Variants in SPAG17 observed in about 807,000 individuals in gnomAD.
SPAG17 encodes sperm associated antigen 17.
Under a neutral mutation model 273.6 loss-of-function variants are expected in SPAG17, and 169 were observed. That is an observed-to-expected ratio of 0.62 (90% CI 0.55 to 0.70). SPAG17 has a LOEUF of 0.70. Among genes scored for constraint, SPAG17 ranks in the 30% least tolerant of loss-of-function variants. SPAG17 has a pLI of 0.00. For missense variants in SPAG17, 2,557 were observed against 2,627.8 expected (o/e 0.97, Z 0.59); for synonymous variants, 825 against 873.2 (o/e 0.94, Z 0.97).
intron 28 of SPAG17, among the ~76,000 whole-genome samples, chr1:118,020,751 T>C (rs1248062165): frequency 6.6e-6 from 1 of 152,196 alleles, no homozygotes; most frequent in Non-Finnish European, 1.5e-5. Context: ...TGGCAAATTG[T>C]GGACTATGGA....
chr1:118,017,075 T>G (rs1000304807), intron 28 of SPAG17, among the ~76,000 whole-genome samples: 3 of 152,170 alleles, frequency 2.0e-5, no homozygotes, highest in African/African-American at 4.8e-5. Flanking sequence ...GCCTAACTGA[T>G]AGGGACTCAA....
chr1:118,012,731 C>T (rs561416932), intron 29 of SPAG17, among the ~76,000 whole-genome samples: 21 of 152,304 alleles, frequency 1.4e-4, no homozygotes, highest in African/African-American at 3.1e-4. Context: ...ATGATAAATG[C>T]GGCATATTGT....
chr1:118,112,286 A>T (rs1469485042), intron 4 of SPAG17, among the ~76,000 whole-genome samples: 1 of 152,104 alleles, frequency 6.6e-6, no homozygotes, highest in Non-Finnish European at 1.5e-5. Context: ...TCAGATAATG[A>T]CTAAATTAAA....
intron 38 of SPAG17, among the ~76,000 whole-genome samples, chr1:117,989,971 A>C (rs1232812456): frequency 6.6e-6 from 1 of 152,056 alleles, no homozygotes; most frequent in African/African-American, 2.4e-5. Flanking sequence ...CATTCATCTA[A>C]AATTTAACTA....
rs1253564605 is a variant in SPAG17, at chr1:117,963,711, G to C, written c.*88C>G. On this transcript the variant is annotated intron_variant, in intron 48 of 48. Transcript: ENST00000336338. ...CAGGCCAGGTGGCTTATAGGTTTCT[G>C]ACTATAAGAAGAGGGGAAGAAACCT... 5 of 1,265,166 alleles carry C rather than the reference G, an allele frequency of 4.0e-6. No homozygotes were observed. The African/African-American group carries it at 7.5e-5, about 19-fold the overall frequency. The allele number at this position is 1,265,166 out of a possible 1,614,324, so 78.4% of individuals were successfully genotyped here.
At position 118,062,297 on chromosome 1, in the gene SPAG17, G is replaced by C. The variant is rs1652400536; in HGVS notation, c.2540+4448C>G. ...CAGGAGAATGGCACGAACCCGGGAG[G>C]CGGAGCTTGCAGTGAGCCGAGATCC... On this transcript the variant is annotated intron_variant, in intron 18 of 48. Coordinates refer to ENST00000336338, the MANE Select transcript of SPAG17 (RefSeq NM_206996.4). Among the ~76,000 whole-genome samples the C allele has an allele frequency of 4.2e-5, 6 of 144,008 alleles. No individual in the cohort carries two copies. In the Admixed American group the frequency reaches 4.2e-4, roughly 10 times the overall value. The allele number at this position is 144,008 out of a possible 152,430, so 94.5% of individuals were successfully genotyped here. A position where few individuals can be genotyped will look rare whatever the true frequency, so the allele number is the denominator to read the frequency against.
intron 43 of SPAG17, among the ~76,000 whole-genome samples, chr1:117,974,638 A>G (rs1337429613): frequency 6.6e-6 from 1 of 152,212 alleles, no homozygotes; most frequent in African/African-American, 2.4e-5. Flanking sequence ...TCTTCAGATC[A>G]CTAAATTTGG....
intron 1 of SPAG17, among the ~76,000 whole-genome samples, chr1:118,152,359 A>C (rs1659436332): frequency 6.6e-6 from 1 of 152,216 alleles, no homozygotes; most frequent in African/African-American, 2.4e-5. Flanking sequence ...ACAATGTCTA[A>C]GATTTGAAAA....
In SPAG17 at chr1:118,025,396, C is replaced by A; in HGVS notation, c.3751G>T (p.Glu1251Ter). The A allele has an allele frequency of 1.3e-6, 2 of 1,592,038 alleles. No individual in the cohort carries two copies. The highest frequency in any genetic ancestry group is 2.3e-5 in the South Asian group (2 of 87,730). ...ESTGQYVIDE[E>*]PTWDIMVRQS... ...CGGACCATGATGTCCCAGGTGGGTT[C>A]CTCATCTATAACATATTGACCTAAA... The change falls in exon 27 of 49, where the codon GAA (glutamate) becomes TAA (stop). Residue 1251 changes from glutamate to a stop codon, truncating the protein, a stop_gained. Transcript: ENST00000336338. LOFTEE classifies it high-confidence loss of function.
rs576873075 is a variant in SPAG17 at position 118,140,246 on chromosome 1, G to A, written c.315+10297C>T. On this transcript the variant is annotated intron_variant, in intron 3 of 48. Transcript: ENST00000336338. ...AATAGTCAAAAGGTAGAAAATCTCA[G>A]TTTAAAAGGAAAAATACATTTTTTC... Among the ~76,000 whole-genome samples the A allele has an allele frequency of 2.6e-5, 4 of 152,282 alleles. No individual in the cohort carries two copies. The East Asian group carries it at 7.7e-4, about 29-fold the overall frequency.
At chr1:118,039,019 A>G (rs998295287) in intron 23 of SPAG17, among the ~76,000 whole-genome samples, 1 of 152,168 alleles carries the variant, frequency 6.6e-6, no homozygotes, top group African/African-American at 2.4e-5. Context: ...GTACGGGAAG[A>G]GGGCATTGAG....
chr1:117,992,492 T>A lies in SPAG17; in HGVS notation c.5335A>T (p.Lys1779Ter). Residue 1779 changes from lysine (K) to a stop codon, truncating the protein, a stop_gained, in exon 36 of 49, where the codon AAA becomes TAA. Transcript: ENST00000336338. LOFTEE classifies it high-confidence loss of function. ...TTAAGGGAAACCTGCAGCCTCAGTTTCACCTCATTCTTTATGACCTCATGC... is the reference window on the plus strand; with the variant it reads ...TTAAGGGAAACCTGCAGCCTCAGTTACACCTCATTCTTTATGACCTCATGC... ...IQHEVIKNEV[K>*]LRLQVSLKDY... 1 of 1,611,794 alleles carries A rather than the reference T, an allele frequency of 6.2e-7. No homozygotes were observed. The highest frequency in any genetic ancestry group is 8.5e-7 in the Non-Finnish European group (1 of 1,179,256).
intron 5 of SPAG17, 101 bp from the exon 6 acceptor site, chr1:118,099,901 T>C: frequency 1.0e-6 from 1 of 1,002,136 alleles, no homozygotes; most frequent in South Asian, 1.9e-5. Flanking sequence ...GCATTTATAA[T>C]CCCTCTGGCT....
In SPAG17 at chr1:117,992,449, C is replaced by T. The variant is rs79659402; in HGVS notation, c.5361+17G>A. Reference sequence around the variant, plus strand: ...TGTTTCTGATTCTTTTGGGTCAGGTCACCTAGATTCCATTACCTTAAGGGA... The same window carrying T: ...TGTTTCTGATTCTTTTGGGTCAGGTTACCTAGATTCCATTACCTTAAGGGA... On this transcript the variant is annotated intron_variant, in intron 36 of 48. Coordinates refer to ENST00000336338, the MANE Select transcript of SPAG17 (RefSeq NM_206996.4). 1.3e-3 allele frequency: 2,008 copies of T among 1,576,136 alleles called. 23 individuals are homozygous for T. In the African/African-American group the frequency reaches 0.022, roughly 17 times the overall value.
intron 3 of SPAG17, among the ~76,000 whole-genome samples, chr1:118,147,571 G>A (rs1302258334): frequency 6.6e-6 from 1 of 152,196 alleles, no homozygotes; most frequent in African/African-American, 2.4e-5. Context: ...CAAATGAGCT[G>A]CAGCTACGTC....
intron 3 of SPAG17, among the ~76,000 whole-genome samples, chr1:118,136,915 G>A (rs1174447037): frequency 2.6e-4 from 40 of 152,074 alleles, no homozygotes; most frequent in Admixed American, 2.6e-3. Context: ...ATAGGGAATT[G>A]AAACAAGTTG....
At chr1:117,989,080 A>T (rs1656765961) in intron 38 of SPAG17, among the ~76,000 whole-genome samples, 1 of 152,194 alleles carries the variant, frequency 6.6e-6, no homozygotes, top group Admixed American at 6.5e-5. Flanking sequence ...GCTACAGGGT[A>T]GCGTTGCCAG....
At chr1:117,997,975 T>C (rs1657845588) in intron 32 of SPAG17, among the ~76,000 whole-genome samples, 1 of 152,152 alleles carries the variant, frequency 6.6e-6, no homozygotes, top group Admixed American at 6.6e-5. Context: ...AAGCAAATAT[T>C]TTCTCCCATT....
intron 17 of SPAG17, among the ~76,000 whole-genome samples, chr1:118,073,027 G>T (rs1429669703): frequency 6.6e-6 from 1 of 152,052 alleles, no homozygotes; most frequent in Non-Finnish European, 1.5e-5. Context: ...GGGGATGGGG[G>T]AAGGAGGCTG....
Sources: gnomAD v4.1 joint callset for allele counts (sites outside exome capture counted in the v4.1 genomes callset) on GRCh38, gnomAD v4.1.1 for gene constraint, MANE v1.5 for transcripts, NCBI Gene and HGNC (gene_info 2026-07-23, HGNC 2026-07-21) for gene names.